Variants in CNTNAP2 observed in about 807,000 individuals in gnomAD.
CNTNAP2 encodes the protein contactin associated protein 2, also known as contactin-associated protein-like 2.
In CNTNAP2, 98 loss-of-function variants were observed where a neutral mutation model predicts 155.2. That is an observed-to-expected ratio of 0.63 (90% CI 0.54 to 0.75). The LOEUF is 0.75. Ranked by LOEUF, CNTNAP2 falls within the 30% of genes least tolerant of loss-of-function variation. CNTNAP2 has a pLI of 0.00. For synonymous variants in CNTNAP2, 651 were observed against 631.2 expected (o/e 1.03, Z -0.47); for missense variants, 1,727 against 1,688.1 (o/e 1.02, Z -0.40).
At chr7:148,103,682 G>A (rs1286037314) in intron 15 of CNTNAP2, among the ~76,000 whole-genome samples, 1 of 152,154 alleles carries the variant, frequency 6.6e-6, no homozygotes, top group African/African-American at 2.4e-5. Flanking sequence ...AAACAGAATC[G>A]TTCTCGCTCT....
chr7:146,225,534 G>T (rs563247595), intron 1 of CNTNAP2, among the ~76,000 whole-genome samples: 1 of 152,118 alleles, frequency 6.6e-6, no homozygotes, highest in African/African-American at 2.4e-5. Context: ...TTGGAAACCC[G>T]CAGAAACTGT....
chr7:147,128,239 A>AATACG (rs1801279812), intron 6 of CNTNAP2, among the ~76,000 whole-genome samples: 1 of 152,166 alleles, frequency 6.6e-6, no homozygotes, highest in Non-Finnish European at 1.5e-5. Flanking sequence ...GCATAGGGTA[A>AATACG]ATACGATATC....
chr7:146,630,322 T>C (rs1021729099), intron 1 of CNTNAP2, among the ~76,000 whole-genome samples: 2 of 152,186 alleles, frequency 1.3e-5, no homozygotes, highest in Non-Finnish European at 2.9e-5. Flanking sequence ...CTCATCCTTT[T>C]TTACGGCTGC....
At chr7:147,912,578 G>A (rs2116765963) in intron 14 of CNTNAP2, among the ~76,000 whole-genome samples, 1 of 152,312 alleles carries the variant, frequency 6.6e-6, no homozygotes, top group Non-Finnish European at 1.5e-5. Context: ...ATTTTACACT[G>A]AGAGAAACTT....
At position 146,801,023 on chromosome 7, in the gene CNTNAP2, A is replaced by G. The variant is rs1802867350; in HGVS notation, c.208+26642A>G. Among the ~76,000 whole-genome samples, 3 of 152,194 alleles carry G rather than the reference A, an allele frequency of 2.0e-5. No homozygotes were observed. The South Asian group carries it at 6.2e-4, about 32-fold the overall frequency. The stretch of plus-strand genomic sequence containing the variant: ...ATTGGTCTGTTTTGCATTGTTATAA[A>G]GAAATACCTGAGGCTGGGTAATTTA... On this transcript the variant is annotated intron_variant, in intron 2 of 23. Transcript: ENST00000361727.
intron 4 of CNTNAP2, among the ~76,000 whole-genome samples, chr7:147,105,313 C>A (rs754677305): frequency 1.3e-4 from 20 of 151,930 alleles, no homozygotes; most frequent in Non-Finnish European, 2.8e-4. Flanking sequence ...TTGTTAGGAA[C>A]AAAATTGTGG....
intron 1 of CNTNAP2, among the ~76,000 whole-genome samples, chr7:146,218,810 T>A (rs1451847930): frequency 5.7e-4 from 86 of 152,128 alleles, no homozygotes; most frequent in Admixed American, 5.6e-3. Context: ...GGAGAATGAG[T>A]CAGATATCCA....
intron 1 of CNTNAP2, among the ~76,000 whole-genome samples, chr7:146,695,345 T>G (rs1437634548): frequency 1.3e-5 from 2 of 152,176 alleles, no homozygotes; most frequent in East Asian, 1.9e-4. Context: ...TAGATATGAT[T>G]GTATGATATT....
chr7:146,431,768 C>T (rs1796176838), intron 1 of CNTNAP2, among the ~76,000 whole-genome samples: 1 of 152,024 alleles, frequency 6.6e-6, no homozygotes, highest in African/African-American at 2.4e-5. Flanking sequence ...GCTAGTTAAA[C>T]AGGGAGCCAG....
chr7:147,744,428 A>G (rs1797004399), intron 13 of CNTNAP2, among the ~76,000 whole-genome samples: 1 of 152,194 alleles, frequency 6.6e-6, no homozygotes, highest in South Asian at 2.1e-4. Context: ...CCATTATTCA[A>G]CTTTATATGC....
At chr7:146,684,236 T>C (rs1326999341) in intron 1 of CNTNAP2, among the ~76,000 whole-genome samples, 1 of 152,100 alleles carries the variant, frequency 6.6e-6, no homozygotes, top group Admixed American at 6.5e-5. Flanking sequence ...TATTCCAAAA[T>C]ATAAGATGAG....
At chr7:146,712,105 C>T (rs1801091988) in intron 1 of CNTNAP2, among the ~76,000 whole-genome samples, 1 of 122,990 alleles carries the variant, frequency 8.1e-6, no homozygotes, top group Non-Finnish European at 1.7e-5. Flanking sequence ...GTATACATAT[C>T]TTATGTATAC....
At chr7:146,969,834 A>G (rs1326118890) in intron 3 of CNTNAP2, among the ~76,000 whole-genome samples, 1 of 152,140 alleles carries the variant, frequency 6.6e-6, no homozygotes, top group Non-Finnish European at 1.5e-5. Flanking sequence ...AGTAATCAAA[A>G]CAGCATGGTA....
intron 9 of CNTNAP2, among the ~76,000 whole-genome samples, chr7:147,331,424 T>A (rs929325591): frequency 6.6e-6 from 1 of 152,114 alleles, no homozygotes; most frequent in African/African-American, 2.4e-5. Flanking sequence ...ACACCTTGTA[T>A]ATAATTGGGT....
intron 3 of CNTNAP2, among the ~76,000 whole-genome samples, chr7:146,918,403 T>C (rs1796437077): frequency 6.6e-6 from 1 of 152,194 alleles, no homozygotes; most frequent in Non-Finnish European, 1.5e-5. Flanking sequence ...TCAAAATTTG[T>C]TTGTCTGAAA....
In CNTNAP2 at chr7:148,176,510, C is replaced by T. The variant is rs184448954; in HGVS notation, c.3010+4032C>T. Among the ~76,000 whole-genome samples the T allele has an allele frequency of 1.6e-3, 242 of 152,284 alleles. 1 individual carries two copies. Among genetic ancestry groups the T allele is most frequent in the African/African-American group, 5.3e-3 (219 of 41,580 alleles). On this transcript the variant is annotated intron_variant, in intron 18 of 23. Coordinates refer to ENST00000361727, the MANE Select transcript of CNTNAP2 (RefSeq NM_014141.6). ...CTGGGATTACAGGCATGAGCCACCACACCCAGCCCAGAGCCCTTTTTCAAA... is the reference window on the plus strand; with the variant it reads ...CTGGGATTACAGGCATGAGCCACCATACCCAGCCCAGAGCCCTTTTTCAAA...
intron 9 of CNTNAP2, among the ~76,000 whole-genome samples, chr7:147,356,334 T>G (rs915589639): frequency 7.9e-5 from 12 of 152,104 alleles, no homozygotes; most frequent in African/African-American, 2.9e-4. Flanking sequence ...TCATATTGAA[T>G]GGGCAAAAAC....
chr7:146,708,721 G>A (rs1467455055), intron 1 of CNTNAP2, among the ~76,000 whole-genome samples: 1 of 141,282 alleles, frequency 7.1e-6, no homozygotes, highest in Admixed American at 7.6e-5. Context: ...CCAGCCTCCT[G>A]AGTAGCTGGA....
chr7:148,022,485 GAAAA>G (rs1802300323), intron 15 of CNTNAP2, among the ~76,000 whole-genome samples: 1 of 64,188 alleles, frequency 1.6e-5, no homozygotes, highest in Admixed American at 1.4e-4. Flanking sequence ...AAAAAAAAAA[GAAAA>G]GAAAAGAAAA....
Sources: allele counts gnomAD v4.1 joint callset (sites outside exome capture counted in the v4.1 genomes callset), GRCh38; gene constraint gnomAD v4.1.1; transcripts MANE v1.5; gene names NCBI Gene and HGNC (gene_info 2026-07-23, HGNC 2026-07-21).